The following B3GALT1 variants were observed in gnomAD, a reference collection of about 807,000 sequenced individuals.
B3GALT1 encodes beta-1,3-galactosyltransferase 1.
B3GALT1 carries 10 observed loss-of-function variants against 23.2 expected under a neutral mutation model. The observed-to-expected ratio is 0.43, with a 90% confidence interval of 0.27 to 0.73. The LOEUF is 0.73. B3GALT1 is among the 30% of genes least tolerant of loss of function. The pLI is 0.21. For missense variants in B3GALT1, 299 were observed against 405.4 expected, an observed-to-expected ratio of 0.74 and a Z score of 2.25; for synonymous variants, 156 against 141.5, an observed-to-expected ratio of 1.10 and a Z score of -0.73.
At chr2:167,429,957 A>G (rs189508886) in intron 1 of B3GALT1, among the ~76,000 whole-genome samples, 21 of 152,382 alleles carry the variant, frequency 1.4e-4, no homozygotes, top group Admixed American at 7.2e-4. Flanking sequence ...ACAACAGTGA[A>G]CAAAACAGAT....
intron 1 of B3GALT1, among the ~76,000 whole-genome samples, chr2:167,447,007 T>A (rs1218662579): frequency 2.6e-5 from 4 of 152,316 alleles, no homozygotes; most frequent in Non-Finnish European, 5.9e-5. Flanking sequence ...CTACCTTTGG[T>A]CTTTGATGAT....
chr2:167,332,062 T>C (rs1435305376), intron 1 of B3GALT1, among the ~76,000 whole-genome samples: 1 of 152,178 alleles, frequency 6.6e-6, no homozygotes, highest in Non-Finnish European at 1.5e-5. Context: ...ACTTGGGGGC[T>C]TGTGAGACCC....
intron 2 of B3GALT1, among the ~76,000 whole-genome samples, chr2:167,602,257 G>T (rs1250156166): frequency 2.0e-5 from 3 of 152,310 alleles, no homozygotes; most frequent in South Asian, 2.1e-4. Context: ...AAACAGCAGT[G>T]TACAGAGAGC....
Position 167,768,736 on chromosome 2 carries a change from C to G in B3GALT1, c.-351-49936C>G, listed in dbSNP as rs543297415. ...TCTTGGCATCGTCACCAAAAACTCA[C>G]GCAGACACCTGAAATTTCCCTAGTT... On this transcript the variant is annotated intron_variant, in intron 3 of 4. Transcript: ENST00000392690. 2.6e-5 allele frequency among the ~76,000 whole-genome samples: 4 copies of G among 152,300 alleles called. No homozygotes were observed. The East Asian group carries it at 7.7e-4, about 29-fold the overall frequency.
intron 1 of B3GALT1, among the ~76,000 whole-genome samples, chr2:167,293,641 G>C (rs1024061196): frequency 3.3e-5 from 5 of 152,168 alleles, no homozygotes; most frequent in South Asian, 2.1e-4. Flanking sequence ...TGCGTGGCCC[G>C]ACGTCCTTCA....
At chr2:167,694,760 T>G (rs1364480874) in intron 3 of B3GALT1, among the ~76,000 whole-genome samples, 2 of 152,106 alleles carry the variant, frequency 1.3e-5, no homozygotes, top group African/African-American at 4.8e-5. Context: ...GCAGCCGAGA[T>G]TCAAGGTCAA....
chr2:167,589,127 G>A (rs1684630529), intron 2 of B3GALT1, among the ~76,000 whole-genome samples: 1 of 151,982 alleles, frequency 6.6e-6, no homozygotes, highest in African/African-American at 2.4e-5. Context: ...ATTATTTTTT[G>A]TAGAGATAGG....
intron 2 of B3GALT1, among the ~76,000 whole-genome samples, chr2:167,569,157 C>G (rs1250740528): frequency 6.6e-6 from 1 of 151,806 alleles, no homozygotes; most frequent in Non-Finnish European, 1.5e-5. Flanking sequence ...CAGATAATGT[C>G]AGTTCTCCAA....
At chr2:167,700,823 C>T (rs1686870093) in intron 3 of B3GALT1, among the ~76,000 whole-genome samples, 1 of 152,060 alleles carries the variant, frequency 6.6e-6, no homozygotes, top group African/African-American at 2.4e-5. Context: ...GATTGACACT[C>T]ATATCTCCGG....
chr2:167,590,113 G>A (rs112585904), intron 2 of B3GALT1, among the ~76,000 whole-genome samples: 3,128 of 152,172 alleles, frequency 0.021, 125 homozygotes, highest in African/African-American at 0.072. Context: ...TTGGGAGGCC[G>A]AGGCGGGCGG....
chr2:167,566,426 C>G (rs1016121753), intron 2 of B3GALT1, among the ~76,000 whole-genome samples: 3 of 151,662 alleles, frequency 2.0e-5, no homozygotes, highest in African/African-American at 7.3e-5. Context: ...GGGTGCAGCA[C>G]ACCATCATGA....
intron 1 of B3GALT1, among the ~76,000 whole-genome samples, chr2:167,376,267 T>C (rs1405582496): frequency 6.6e-6 from 1 of 152,196 alleles, no homozygotes; most frequent in Non-Finnish European, 1.5e-5. Flanking sequence ...TTGAGGATCT[T>C]GTGGCTATGT....
chr2:167,344,615 C>T (rs1177500002), intron 1 of B3GALT1, among the ~76,000 whole-genome samples: 5 of 152,092 alleles, frequency 3.3e-5, no homozygotes, highest in South Asian at 4.1e-4. Flanking sequence ...CAAATAGGCC[C>T]TGATATTAAG....
intron 4 of B3GALT1, among the ~76,000 whole-genome samples, chr2:167,825,978 T>G (rs1229666329): frequency 6.6e-6 from 1 of 152,234 alleles, no homozygotes; most frequent in African/African-American, 2.4e-5. Flanking sequence ...TGATTCCTTC[T>G]CTTTCAGTCC....
At chr2:167,550,459 C>G (rs2105380296) in intron 2 of B3GALT1, among the ~76,000 whole-genome samples, 1 of 152,298 alleles carries the variant, frequency 6.6e-6, no homozygotes, top group South Asian at 2.1e-4. Flanking sequence ...AAACCCCAAG[C>G]CCAAATCCAT....
At chr2:167,608,530 T>A (rs1384066476) in intron 2 of B3GALT1, among the ~76,000 whole-genome samples, 1 of 151,470 alleles carries the variant, frequency 6.6e-6, no homozygotes, top group Non-Finnish European at 1.5e-5. Flanking sequence ...GTGTACTTTA[T>A]CTGTCAATGG....
intron 3 of B3GALT1, among the ~76,000 whole-genome samples, chr2:167,794,537 G>T (rs746509884): frequency 1.2e-4 from 18 of 152,118 alleles, no homozygotes; most frequent in Admixed American, 4.6e-4. Flanking sequence ...TTAGAATCCT[G>T]ACTCCTCCCT....
intron 2 of B3GALT1, among the ~76,000 whole-genome samples, chr2:167,623,210 C>T (rs1034223106): frequency 6.6e-6 from 1 of 152,080 alleles, no homozygotes; most frequent in Non-Finnish European, 1.5e-5. Context: ...AAGAGTGTGG[C>T]GATTCCTCAA....
chr2:167,714,171 T>A, intron 3 of B3GALT1: 1 of 1,517,558 alleles, frequency 6.6e-7, no homozygotes, highest in African/African-American at 1.4e-5. Context: ...CCAGACAGTC[T>A]ATCAGAATTA....
Sources: gnomAD v4.1 joint callset for allele counts (sites outside exome capture counted in the v4.1 genomes callset) on GRCh38, gnomAD v4.1.1 for gene constraint, MANE v1.5 for transcripts, NCBI Gene and HGNC (gene_info 2026-07-23, HGNC 2026-07-21) for gene names.